The following SNX13 variants were observed in gnomAD, a reference collection of about 807,000 sequenced individuals.
The protein encoded by SNX13 is sorting nexin 13.
In SNX13, 45 loss-of-function variants were observed where a neutral mutation model predicts 133.6. The ratio of observed to expected loss-of-function variants is 0.34; its 90% CI spans 0.27 to 0.43. The LOEUF (loss-of-function observed/expected upper bound fraction) is 0.43, where lower values mean the gene tolerates loss of function less well. SNX13 is among the 20% of genes least tolerant of loss of function. The pLI is 1.00. For synonymous variants in SNX13, 414 were observed against 373.9 expected (o/e 1.11, Z -1.24); for missense variants, 1,032 against 1,145.1 (o/e 0.90, Z 1.43).
intron 15 of SNX13, chr7:17,831,882 A>AAG (rs1191419896): frequency 1.0e-6 from 1 of 984,286 alleles, no homozygotes; most frequent in Non-Finnish European, 1.2e-6. Flanking sequence ...AGTGGCCTAA[A>AAG]ACCTAAACAC....
intron 5 of SNX13, among the ~76,000 whole-genome samples, chr7:17,884,515 C>G (rs905156932): frequency 6.6e-6 from 1 of 152,168 alleles, no homozygotes; most frequent in Non-Finnish European, 1.5e-5. Flanking sequence ...CAGCCACTAT[C>G]TGGAAACAAA....
intron 5 of SNX13, chr7:17,881,720 A>C (rs1042889682): frequency 5.9e-5 from 9 of 152,140 alleles, no homozygotes; most frequent in African/African-American, 2.2e-4. Flanking sequence ...CACTATTAGA[A>C]AGGATATACT....
Position 17,845,255 on chromosome 7 carries a change from G to A in SNX13, c.1165+340C>T, listed in dbSNP as rs530822861. ...GGATAAAACCTGAGGGCATATCCAC[G>A]TTAAGTGAGTAAGCCAGTCACAAAA... is the stretch of plus-strand genomic sequence containing the variant. On this transcript the variant is annotated intron_variant, in intron 12 of 25. Coordinates refer to ENST00000428135, the MANE Select transcript of SNX13 (RefSeq NM_015132.5). 7.9e-5 allele frequency among the ~76,000 whole-genome samples: 12 copies of A among 152,202 alleles called. No individual in the cohort carries two copies. The South Asian group carries it at 1.7e-3, about 21-fold the overall frequency.
intron 1 of SNX13, among the ~76,000 whole-genome samples, chr7:17,924,396 G>A (rs1444403385): frequency 6.6e-6 from 1 of 152,158 alleles, no homozygotes; most frequent in Non-Finnish European, 1.5e-5. Context: ...GTGCTCTCTA[G>A]AGGCACTAGA....
intron 12 of SNX13, among the ~76,000 whole-genome samples, chr7:17,841,308 G>A (rs1337495039): frequency 6.6e-6 from 1 of 151,886 alleles, no homozygotes; most frequent in East Asian, 1.9e-4. Context: ...TTAAAAATGA[G>A]GACATTCAAA....
At chr7:17,814,705 T>G in intron 20 of SNX13, 129 bp downstream of exon 20, 2 of 688,788 alleles carry the variant, frequency 2.9e-6, no homozygotes, top group South Asian at 4.6e-5. Flanking sequence ...GTGATAAACA[T>G]GCCGAGAACT....
intron 5 of SNX13, among the ~76,000 whole-genome samples, chr7:17,886,975 A>G (rs1583629139): frequency 6.6e-6 from 1 of 151,766 alleles, no homozygotes; most frequent in South Asian, 2.1e-4. Flanking sequence ...GCTCTACAAA[A>G]AAAAAAAAAA....
At chr7:17,886,836 G>A (rs533640739) in intron 5 of SNX13, among the ~76,000 whole-genome samples, 16 of 151,904 alleles carry the variant, frequency 1.1e-4, no homozygotes, top group African/African-American at 2.7e-4. Flanking sequence ...TCTCAACTCC[G>A]TTCAGGTCTT....
At chr7:17,845,820 C>G in intron 11 of SNX13, 126 bp from the exon 12 acceptor site, 1 of 582,696 alleles carries the variant, frequency 1.7e-6, no homozygotes, top group South Asian at 2.7e-5. Flanking sequence ...CCTTCTCATG[C>G]ATGTTGTTTC....
At position 17,794,063 on chromosome 7, in the gene SNX13, A is replaced by C; in HGVS notation, c.2856T>G (p.Pro952=). ...TGGAGTGTCACCTTTTCTGCAAAGAAGGCGCTTGAGTAGTTTGAAGTTTCT... is the reference window on the plus strand; with the variant it reads ...TGGAGTGTCACCTTTTCTGCAAAGACGGCGCTTGAGTAGTTTGAAGTTTCT... ...YKQKLQTTQA[P]SLQKR The change falls in exon 26 of 26, where the codon CCT becomes CCG. Residue 952 remains proline, a synonymous_variant. Transcript: ENST00000428135. 1 of 1,611,290 alleles carries C rather than the reference A, an allele frequency of 6.2e-7. No individual in the cohort carries two copies. Among genetic ancestry groups the C allele is most frequent in the Non-Finnish European group, 8.5e-7 (1 of 1,178,132 alleles).
At chr7:17,886,587 C>A (rs1208809883) in intron 5 of SNX13, among the ~76,000 whole-genome samples, 1 of 149,922 alleles carries the variant, frequency 6.7e-6, no homozygotes, top group Non-Finnish European at 1.5e-5. Flanking sequence ...GAGACTCCGT[C>A]TCAAAAAAAA....
At chr7:17,858,965 T>C (rs1792279258) in intron 9 of SNX13, among the ~76,000 whole-genome samples, 1 of 152,040 alleles carries the variant, frequency 6.6e-6, no homozygotes, top group South Asian at 2.1e-4. Context: ...GTGAGATAAA[T>C]CATAGAACAA....
intron 21 of SNX13, 42 bp from the exon 22 acceptor site, chr7:17,801,701 A>C (rs371724081): frequency 1.6e-4 from 220 of 1,417,440 alleles, no homozygotes; most frequent in Admixed American, 2.6e-4. Flanking sequence ...ACACTAAAGC[A>C]GACAGTGAAA....
At chr7:17,929,881 C>T (rs540312836) in intron 1 of SNX13, among the ~76,000 whole-genome samples, 9 of 152,128 alleles carry the variant, frequency 5.9e-5, no homozygotes, top group South Asian at 4.1e-4. Flanking sequence ...AAATGCAATA[C>T]GTAAATTGAG....
intron 25 of SNX13, chr7:17,795,886 T>C (rs1170007725): frequency 6.6e-6 from 1 of 151,714 alleles, no homozygotes; most frequent in Non-Finnish European, 1.5e-5. Flanking sequence ...TGAAACGGTA[T>C]ATAGGTAAGA....
intron 1 of SNX13, among the ~76,000 whole-genome samples, chr7:17,927,443 A>G (rs1444698662): frequency 6.6e-6 from 1 of 151,940 alleles, no homozygotes; most frequent in Non-Finnish European, 1.5e-5. Context: ...AGGTCTCCCT[A>G]CACTGCCCAG....
intron 24 of SNX13, 127 bp from the exon 25 acceptor site, chr7:17,797,066 C>G: frequency 1.4e-6 from 1 of 699,514 alleles, no homozygotes; most frequent in Non-Finnish European, 2.4e-6. Flanking sequence ...TGAATAATAA[C>G]ATATAGCTAT....
rs191782314 is a variant in SNX13 at position 17,870,056 on chromosome 7, G to C, written c.754-1566C>G. Among the ~76,000 whole-genome samples the C allele has an allele frequency of 1.8e-3, 272 of 152,234 alleles. 1 individual carries two copies. The Middle Eastern group carries it at 0.034, about 19-fold the overall frequency. On this transcript the variant is annotated intron_variant, in intron 8 of 25. Coordinates refer to ENST00000428135, the MANE Select transcript of SNX13 (RefSeq NM_015132.5). ...AAAGGGTTTGGTTAGTCAAGGGCTAGTCATATGACTCAAGGTCCTAGTGAG... is the reference window on the plus strand; with the variant it reads ...AAAGGGTTTGGTTAGTCAAGGGCTACTCATATGACTCAAGGTCCTAGTGAG...
At chr7:17,867,919 T>C (rs1251489462) in intron 9 of SNX13, among the ~76,000 whole-genome samples, 4 of 152,116 alleles carry the variant, frequency 2.6e-5, no homozygotes, top group Non-Finnish European at 4.4e-5. Flanking sequence ...GTCTTTGATA[T>C]GTCTGACAGA....
Sources: gnomAD v4.1 joint callset for allele counts (sites outside exome capture counted in the v4.1 genomes callset) on GRCh38, gnomAD v4.1.1 for gene constraint, MANE v1.5 for transcripts, NCBI Gene and HGNC (gene_info 2026-07-23, HGNC 2026-07-21) for gene names.